Variants in INSL6 observed in about 807,000 individuals in gnomAD.
INSL6 encodes the protein insulin-like peptide INSL6.
In INSL6, 16 loss-of-function variants were observed where a neutral mutation model predicts 9.4. The observed-to-expected ratio is 1.70, with a 90% CI of 1.15 to 2.59. INSL6 has a LOEUF of 2.59. INSL6 is among the 30% of genes most tolerant of loss of function. INSL6 has a pLI of 0.00. For missense variants in INSL6, 391 were observed against 257.3 expected (o/e 1.52, Z -3.56); for synonymous variants, 154 against 96.9 (o/e 1.59, Z -3.46).
the INSL6 span, chr9:5,054,861 G>C: frequency 6.2e-7 from 1 of 1,606,142 alleles, no homozygotes; most frequent in Non-Finnish European, 8.5e-7. The surrounding 1 kb of genome is among the most constrained non-coding windows in gnomAD (Gnocchi z 4.9). Flanking sequence ...GAAACATAAA[G>C]AAAGTGAGAC....
chr9:5,038,318 G>A, the INSL6 span, among the ~76,000 whole-genome samples: 11 of 152,062 alleles, frequency 7.2e-5, no homozygotes, highest in Admixed American at 2.0e-4. Flanking sequence ...TAAAAGCCCA[G>A]GCCCAAGTGG....
chr9:5,011,998 G>T, the INSL6 span, among the ~76,000 whole-genome samples: 2 of 152,266 alleles, frequency 1.3e-5, no homozygotes, highest in East Asian at 1.9e-4. Flanking sequence ...TCTCTTCCCA[G>T]TTCTTTCAGA....
At chr9:5,106,291 A>G in the INSL6 span, among the ~76,000 whole-genome samples, 2 of 152,258 alleles carry the variant, frequency 1.3e-5, no homozygotes, top group Admixed American at 1.3e-4. Flanking sequence ...ACAGACATAT[A>G]AAAAATGCTT....
the INSL6 span, chr9:5,089,983 C>G: frequency 1.1e-4 from 55 of 521,504 alleles, no homozygotes; most frequent in Middle Eastern, 5.2e-4. Flanking sequence ...GAGAGGCATT[C>G]TATAATGACT....
chr9:5,163,044 G>C (rs1272043673), downstream of INSL6, among the ~76,000 whole-genome samples: 2 of 152,094 alleles, frequency 1.3e-5, no homozygotes, highest in South Asian at 2.1e-4. Context: ...TCAACAGTAG[G>C]ACTTCAACAA....
chr9:5,094,678 G>C, the INSL6 span: 6 of 152,138 alleles, frequency 3.9e-5, no homozygotes, highest in African/African-American at 7.2e-5. Flanking sequence ...TTAACAGAAA[G>C]AGAATCAGAA....
the INSL6 span, among the ~76,000 whole-genome samples, chr9:5,005,125 T>C: frequency 1.2e-5 from 1 of 86,490 alleles, no homozygotes; most frequent in African/African-American, 4.9e-5. Context: ...TTTTTTTTTT[T>C]TTTTTTTAGG....
the INSL6 span, among the ~76,000 whole-genome samples, chr9:5,004,033 G>T: frequency 6.6e-6 from 1 of 152,042 alleles, no homozygotes; most frequent in Non-Finnish European, 1.5e-5. Flanking sequence ...CATAAAAATT[G>T]TATATATGGT....
At chr9:5,044,510 T>TGAGCAAAGAGGTAAGA in the INSL6 span, 1 of 1,587,490 alleles carries the variant, frequency 6.3e-7, no homozygotes, top group Non-Finnish European at 8.6e-7. Flanking sequence ...ATGTCTTACC[T>TGAGCAAAGAGGTAAGA]CTTTGCTCAG....
chr9:5,031,723 A>G, the INSL6 span, among the ~76,000 whole-genome samples: 3 of 152,368 alleles, frequency 2.0e-5, no homozygotes, highest in Non-Finnish European at 2.9e-5. Context: ...ATTGTCAACT[A>G]TAAAAATTTT....
At chr9:5,112,366 G>A in the INSL6 span, 2 of 393,854 alleles carry the variant, frequency 5.1e-6, no homozygotes, top group Admixed American at 6.7e-5. Context: ...GTGGGCTAGG[G>A]CGAGCAGGCC....
At chr9:5,113,938 C>G in the INSL6 span, 1 of 252,686 alleles carries the variant, frequency 4.0e-6, no homozygotes, top group African/African-American at 2.3e-5. Context: ...CATCCAGTTC[C>G]TGTGCCTCAT....
the INSL6 span, chr9:5,112,134 G>A: frequency 3.2e-6 from 1 of 312,720 alleles, no homozygotes; most frequent in Middle Eastern, 1.2e-3. Flanking sequence ...GCCACGCCAT[G>A]GGCACGGCTA....
the INSL6 span, among the ~76,000 whole-genome samples, chr9:5,047,803 AT>A: frequency 6.6e-6 from 1 of 151,900 alleles, no homozygotes; most frequent in African/African-American, 2.4e-5. Flanking sequence ...GTCTCGCTCT[AT>A]TGTCCAGGCT....
the INSL6 span, among the ~76,000 whole-genome samples, chr9:5,037,695 G>A: frequency 2.6e-5 from 4 of 152,112 alleles, no homozygotes; most frequent in Middle Eastern, 3.2e-3. Context: ...ATCACATACC[G>A]GGGCCTGTTC....
At chr9:5,048,544 A>G in the INSL6 span, among the ~76,000 whole-genome samples, 2 of 152,146 alleles carry the variant, frequency 1.3e-5, no homozygotes, top group African/African-American at 4.8e-5. Flanking sequence ...CCTGTTCTCA[A>G]AAGTGTGGTG....
chr9:5,079,182 G>C, the INSL6 span, among the ~76,000 whole-genome samples: 2 of 152,194 alleles, frequency 1.3e-5, no homozygotes. Context: ...ATTCTTACAG[G>C]GTCTTACATC....
the INSL6 span, among the ~76,000 whole-genome samples, chr9:5,014,238 A>C: frequency 6.6e-6 from 1 of 150,956 alleles, no homozygotes; most frequent in Admixed American, 6.6e-5. Context: ...TCCTGAGCTA[A>C]AGTGATCCTC....
At chr9:5,005,195 C>T in the INSL6 span, among the ~76,000 whole-genome samples, 1 of 140,268 alleles carries the variant, frequency 7.1e-6, no homozygotes, top group Non-Finnish European at 1.5e-5. Flanking sequence ...AGTAATCCTC[C>T]CACCTTGGCC....
Sources: allele counts gnomAD v4.1 joint callset (sites outside exome capture counted in the v4.1 genomes callset), GRCh38; gene constraint gnomAD v4.1.1; non-coding constraint Gnocchi (gnomAD v3.1); transcripts MANE v1.5; gene names NCBI Gene and HGNC (gene_info 2026-07-23, HGNC 2026-07-21).